Variants in PLCB1 observed in about 807,000 individuals in gnomAD.
PLCB1 encodes the protein phospholipase C beta 1.
PLCB1 carries 46 observed loss-of-function variants against 161.8 expected under a neutral mutation model. That is an observed-to-expected ratio of 0.28 (90% confidence interval 0.22 to 0.36). The LOEUF is 0.36. PLCB1 is among the 10% of genes least tolerant of loss of function. The probability of loss-of-function intolerance (pLI) is 1.00; values close to 1 mark genes in which losing one functional copy is unlikely to be tolerated. For missense variants in PLCB1, 1,016 were observed against 1,472.5 expected (o/e 0.69, Z 5.07); for synonymous variants, 517 against 503.7 (o/e 1.03, Z -0.35).
intron 23 of PLCB1, among the ~76,000 whole-genome samples, chr20:8,754,186 A>G (rs1981621706): frequency 1.3e-5 from 2 of 152,142 alleles, no homozygotes; most frequent in Non-Finnish European, 2.9e-5. Context: ...CCTTTTTGGA[A>G]GGTGGAGGCT....
At chr20:8,225,255 G>C (rs1429292066) in intron 2 of PLCB1, among the ~76,000 whole-genome samples, 1 of 152,022 alleles carries the variant, frequency 6.6e-6, no homozygotes, top group Admixed American at 6.6e-5. Flanking sequence ...TGTGTCATAA[G>C]GGTTTTTTTG....
intron 2 of PLCB1, among the ~76,000 whole-genome samples, chr20:8,269,542 G>A (rs531253635): frequency 2.6e-5 from 4 of 152,070 alleles, no homozygotes; most frequent in Non-Finnish European, 5.9e-5. Flanking sequence ...TTAGAAACCC[G>A]ATGCAACTAC....
chr20:8,779,200 CA>C (rs1313928637), intron 27 of PLCB1, among the ~76,000 whole-genome samples: 1 of 152,056 alleles, frequency 6.6e-6, no homozygotes, highest in Admixed American at 6.6e-5. Flanking sequence ...AGAAAGAAAG[CA>C]TGGCATCCGT....
At chr20:8,679,006 AT>A (rs1342400070) in intron 9 of PLCB1, among the ~76,000 whole-genome samples, 1 of 152,178 alleles carries the variant, frequency 6.6e-6, no homozygotes, top group African/African-American at 2.4e-5. Context: ...GGAATCAAGG[AT>A]GAATTTTATG....
At chr20:8,425,002 G>C (rs1979691722) in intron 3 of PLCB1, among the ~76,000 whole-genome samples, 1 of 152,118 alleles carries the variant, frequency 6.6e-6, no homozygotes, top group East Asian at 1.9e-4. Context: ...TGAAGCAGTA[G>C]CCTGCAATCG....
chr20:8,336,317 T>C (rs1363050959), intron 2 of PLCB1, among the ~76,000 whole-genome samples: 1 of 152,186 alleles, frequency 6.6e-6, no homozygotes, highest in Admixed American at 6.5e-5. Context: ...TATTTAAGAA[T>C]AGTTTTACAA....
chr20:8,497,509 T>G (rs1270475155), intron 3 of PLCB1, among the ~76,000 whole-genome samples: 2 of 152,196 alleles, frequency 1.3e-5, no homozygotes, highest in South Asian at 2.1e-4. Flanking sequence ...TGGCACTTTC[T>G]AAAAACCAGA....
chr20:8,557,772 C>T (rs896184770), intron 3 of PLCB1, among the ~76,000 whole-genome samples: 7 of 151,856 alleles, frequency 4.6e-5, no homozygotes, highest in African/African-American at 7.2e-5. Flanking sequence ...CAACTCCAAC[C>T]CACAGCAAGC....
intron 3 of PLCB1, among the ~76,000 whole-genome samples, chr20:8,514,413 C>T (rs1984023729): frequency 1.4e-5 from 2 of 145,848 alleles, no homozygotes; most frequent in South Asian, 4.4e-4. Flanking sequence ...ACACTCCAGC[C>T]TGCGCTGGGC....
intron 12 of PLCB1, among the ~76,000 whole-genome samples, chr20:8,712,038 C>T (rs962332450): frequency 3.9e-5 from 6 of 152,182 alleles, no homozygotes; most frequent in Non-Finnish European, 8.8e-5. Context: ...CACGGTGGCT[C>T]ACGCCTGTAA....
chr20:8,514,074 A>C (rs1984005015), intron 3 of PLCB1, among the ~76,000 whole-genome samples: 4 of 150,964 alleles, frequency 2.6e-5, no homozygotes, highest in Non-Finnish European at 5.9e-5. Flanking sequence ...TGTCATTAAG[A>C]AGAAAAAAGA....
At chr20:8,136,120 A>G (rs2051344615) in intron 1 of PLCB1, among the ~76,000 whole-genome samples, 1 of 152,110 alleles carries the variant, frequency 6.6e-6, no homozygotes, top group Non-Finnish European at 1.5e-5. Flanking sequence ...TCATTTATTT[A>G]TTCCTTCTGT....
intron 2 of PLCB1, among the ~76,000 whole-genome samples, chr20:8,299,645 A>G (rs933395742): frequency 6.6e-6 from 1 of 152,168 alleles, no homozygotes; most frequent in African/African-American, 2.4e-5. Context: ...CTTAATTTTC[A>G]TATACCTCCA....
chr20:8,333,273 T>C (rs1985439570), intron 2 of PLCB1, among the ~76,000 whole-genome samples: 1 of 152,162 alleles, frequency 6.6e-6, no homozygotes, highest in South Asian at 2.1e-4. Context: ...TTCACATGAG[T>C]AAGGATAATC....
At chr20:8,387,093 C>A (rs1371006961) in intron 3 of PLCB1, among the ~76,000 whole-genome samples, 1 of 152,172 alleles carries the variant, frequency 6.6e-6, no homozygotes, top group African/African-American at 2.4e-5. Context: ...GCTTTCTTAT[C>A]ATTTGTGTGT....
intron 2 of PLCB1, among the ~76,000 whole-genome samples, chr20:8,313,383 C>T (rs563593742): frequency 6.6e-6 from 1 of 152,038 alleles, no homozygotes; most frequent in Non-Finnish European, 1.5e-5. Flanking sequence ...CCACTCTGAG[C>T]ATGTTCTCAT....
At chr20:8,536,288 GAA>G (rs949712741) in intron 3 of PLCB1, among the ~76,000 whole-genome samples, 1 of 151,980 alleles carries the variant, frequency 6.6e-6, no homozygotes, top group Admixed American at 6.5e-5. Flanking sequence ...AAAAAATTTG[GAA>G]AAAAACCACC....
At chr20:8,505,200 T>G (rs370347013) in intron 3 of PLCB1, among the ~76,000 whole-genome samples, 1 of 152,150 alleles carries the variant, frequency 6.6e-6, no homozygotes, top group African/African-American at 2.4e-5. Context: ...ACAAGAAGCC[T>G]TTTCTCAGGG....
At chr20:8,719,495 C>G (rs1308255584) in intron 14 of PLCB1, among the ~76,000 whole-genome samples, 2 of 152,098 alleles carry the variant, frequency 1.3e-5, no homozygotes, top group African/African-American at 4.8e-5. Flanking sequence ...TAAATGAAAA[C>G]TATGGATGAA....
Sources: gnomAD v4.1 joint callset for allele counts (sites outside exome capture counted in the v4.1 genomes callset) on GRCh38, gnomAD v4.1.1 for gene constraint, MANE v1.5 for transcripts, NCBI Gene and HGNC (gene_info 2026-07-23, HGNC 2026-07-21) for gene names.